Variants in ACOT1 observed in about 807,000 individuals in gnomAD.
The protein encoded by ACOT1 is acyl-coenzyme A thioesterase 1.
Under a neutral mutation model 15.7 loss-of-function variants are expected in ACOT1, and 8 were observed. The observed-to-expected ratio is 0.51, with a 90% CI of 0.30 to 0.92. The LOEUF is 0.92. Among genes scored for constraint, ACOT1 ranks in the 40% least tolerant of loss-of-function variants. ACOT1 has a pLI of 0.06. For synonymous variants in ACOT1, 67 were observed against 241.2 expected, an observed-to-expected ratio of 0.28 and a Z score of 6.69; for missense variants, 151 against 539.4, an observed-to-expected ratio of 0.28 and a Z score of 7.13.
the ACOT1 span, chr14:73,523,234 G>T: frequency 1.5e-6 from 2 of 1,356,544 alleles, no homozygotes; most frequent in Non-Finnish European, 2.0e-6. Context: ...CCTGTTAAGG[G>T]AATGGGAGGA....
chr14:73,520,908 C>G, the ACOT1 span: 1 of 1,613,990 alleles, frequency 6.2e-7, no homozygotes, highest in Admixed American at 1.7e-5. Flanking sequence ...CTTTCCAGCT[C>G]GGGGAGTCAC....
the ACOT1 span, among the ~76,000 whole-genome samples, chr14:73,526,260 G>A: frequency 6.6e-6 from 1 of 152,208 alleles, no homozygotes; most frequent in South Asian, 2.1e-4. Flanking sequence ...CTGGGCCAGA[G>A]GAGAATCCTC....
rs553220311 is a variant in ACOT1, at chr14:73,538,333, G to C, written c.457+455G>C. The stretch of plus-strand genomic sequence containing the variant: ...TGCTCAGTTAAAAGACATTGTAAGG[G>C]CTGGGCGCGCTGGCTCACGCCTGTA... On this transcript the variant is annotated intron_variant, in intron 1 of 2. Transcript: ENST00000311148. 5.3e-4 allele frequency among the ~76,000 whole-genome samples: 61 copies of C among 114,354 alleles called. 18 individuals are homozygous for C. The highest frequency in any genetic ancestry group is 1.9e-3 in the Admixed American group (19 of 10,102). The allele number at this position is 114,354 out of a possible 152,430, so 75.0% of individuals were successfully genotyped here. A position where few individuals can be genotyped will look rare whatever the true frequency, so the allele number is the denominator to read the frequency against.
chr14:73,507,437 T>C, the ACOT1 span, among the ~76,000 whole-genome samples: 1 of 152,152 alleles, frequency 6.6e-6, no homozygotes, highest in African/African-American at 2.4e-5. Flanking sequence ...TAATTAATTG[T>C]GTAATTAATT....
chr14:73,510,606 T>G, the ACOT1 span, among the ~76,000 whole-genome samples: 2 of 152,138 alleles, frequency 1.3e-5, no homozygotes, highest in Non-Finnish European at 2.9e-5. Context: ...TGGCTAATTT[T>G]TGTATTTTTG....
intron 2 of ACOT1, 57 bp from the exon 3 acceptor site, chr14:73,542,993 C>T (rs1889143365): frequency 8.1e-7 from 1 of 1,238,938 alleles, no homozygotes; most frequent in African/African-American, 1.6e-5. Context: ...GCACAACTCA[C>T]CATATTCCAC....
At chr14:73,524,078 G>A in the ACOT1 span, among the ~76,000 whole-genome samples, 5 of 151,740 alleles carry the variant, frequency 3.3e-5, no homozygotes. Flanking sequence ...GTCACCTGAG[G>A]TCTGGAGTTT....
At chr14:73,520,890 T>A in the ACOT1 span, 1 of 1,613,974 alleles carries the variant, frequency 6.2e-7, no homozygotes. Flanking sequence ...GTCTGTGGAG[T>A]AGGCAAACTT....
In ACOT1 at chr14:73,539,736, C is replaced by A. The variant is rs1199769176; in HGVS notation, c.458-1757C>A. The A allele has an allele frequency of 1.7e-5, 2 of 118,708 alleles. 1 individual carries two copies. Among genetic ancestry groups the A allele is most frequent in the African/African-American group, 5.5e-5 (2 of 36,294 alleles). The allele number at this position is 118,708 out of a possible 1,614,324, so 7.4% of individuals were successfully genotyped here. On this transcript the variant is annotated intron_variant, in intron 1 of 2. Coordinates refer to ENST00000311148, the MANE Select transcript of ACOT1 (RefSeq NM_001037161.2). ...CCCACAGGATGCCGTCTGGAAGCTG[C>A]CAGCACGCGGTCCCTGTCCATCAGC...
chr14:73,512,728 C>A, the ACOT1 span, among the ~76,000 whole-genome samples: 179 of 152,316 alleles, frequency 1.2e-3, no homozygotes, highest in African/African-American at 3.9e-3. Flanking sequence ...TGGCTTTCAA[C>A]ATCTTCCTCA....
chr14:73,508,803 A>AG, the ACOT1 span, among the ~76,000 whole-genome samples: 1 of 150,520 alleles, frequency 6.6e-6, no homozygotes, highest in African/African-American at 2.4e-5. Context: ...ACTTGGTGGC[A>AG]GTGTACCTGT....
chr14:73,518,898 G>A, the ACOT1 span: 1 of 854,088 alleles, frequency 1.2e-6, no homozygotes, highest in Non-Finnish European at 1.8e-6. Flanking sequence ...AAAGGGGATT[G>A]CCTAGATGCT....
the ACOT1 span, among the ~76,000 whole-genome samples, chr14:73,497,068 G>A: frequency 6.6e-6 from 1 of 152,152 alleles, no homozygotes; most frequent in African/African-American, 2.4e-5. Flanking sequence ...GCTAGTTTTT[G>A]TATTTTTAGT....
At chr14:73,500,284 T>C in the ACOT1 span, among the ~76,000 whole-genome samples, 1 of 151,936 alleles carries the variant, frequency 6.6e-6, no homozygotes, top group African/African-American at 2.4e-5. Flanking sequence ...CGGACCTTTT[T>C]TTTTTTTTTT....
chr14:73,492,203 T>G, the ACOT1 span: 7 of 1,613,922 alleles, frequency 4.3e-6, no homozygotes, highest in Non-Finnish European at 5.1e-6. The surrounding 1 kb of genome is among the most constrained non-coding windows in gnomAD (Gnocchi z 4.9). Context: ...ACCTGGAGAT[T>G]TGCTGTATTT....
chr14:73,492,067 G>T, the ACOT1 span: 1 of 1,614,028 alleles, frequency 6.2e-7, no homozygotes, highest in Non-Finnish European at 8.5e-7. The surrounding 1 kb of genome is among the most constrained non-coding windows in gnomAD (Gnocchi z 4.9). Context: ...TCGTGCTGCA[G>T]CTGGAAGGTA....
the ACOT1 span, among the ~76,000 whole-genome samples, chr14:73,531,650 GCACC>G: frequency 7.3e-5 from 8 of 110,214 alleles, no homozygotes; most frequent in African/African-American, 2.3e-4. Flanking sequence ...CTCAAGTGAT[GCACC>G]TGCCTTGGCC....
chr14:73,498,858 TTTAAC>T, the ACOT1 span, among the ~76,000 whole-genome samples: 8 of 152,332 alleles, frequency 5.3e-5, no homozygotes, highest in East Asian at 7.7e-4. Flanking sequence ...CAGCCCTTTC[TTTAAC>T]TTAAGTTTGA....
At chr14:73,524,311 ATATATATAT>A in the ACOT1 span, among the ~76,000 whole-genome samples, 7 of 52,644 alleles carry the variant, frequency 1.3e-4, no homozygotes, top group African/African-American at 3.0e-4. Flanking sequence ...AAAAAAAAAA[ATATATATAT>A]ATATATATAT....
Sources: gnomAD v4.1 joint callset for allele counts (sites outside exome capture counted in the v4.1 genomes callset) on GRCh38, gnomAD v4.1.1 for gene constraint, Gnocchi (gnomAD v3.1) non-coding constraint, MANE v1.5 for transcripts, NCBI Gene and HGNC (gene_info 2026-07-23, HGNC 2026-07-21) for gene names.